Variants in ZNF454 observed in about 807,000 individuals in gnomAD.
The protein encoded by ZNF454 is zinc finger protein 454.
In ZNF454, 30 loss-of-function variants were observed where a neutral mutation model predicts 48.2. The ratio of observed to expected loss-of-function variants is 0.62; its 90% confidence interval spans 0.47 to 0.84. The LOEUF is 0.84. ZNF454 is among the 40% of genes least tolerant of loss of function. The pLI is 0.00. For synonymous variants in ZNF454, 204 were observed against 211.4 expected (o/e 0.97, Z 0.30); for missense variants, 510 against 623.1 (o/e 0.82, Z 1.93).
At chr5:178,985,526 G>A in the ZNF454 span, 10,581 of 338,134 alleles carry the variant, frequency 0.031, 492 homozygotes, top group African/African-American at 0.14. Context: ...ACACGGTGAA[G>A]CCCTGTCTCT....
intron 4 of ZNF454, among the ~76,000 whole-genome samples, chr5:178,950,387 C>T (rs551400127): frequency 1.2e-4 from 18 of 152,142 alleles, no homozygotes; most frequent in African/African-American, 1.9e-4. Context: ...GACTCCACTT[C>T]GCAGAAAATG....
rs1475488296 is a variant in ZNF454 at position 178,952,848 on chromosome 5, T to C, written c.250+5862T>C. On this transcript the variant is annotated intron_variant, in intron 4 of 4. Transcript: ENST00000519564. Reference sequence around the variant, plus strand: ...TGCTGATCCTTTCTATTTTTGTTTATTTTATTAATTTTTGTTCTTCACTGT... The same window carrying C: ...TGCTGATCCTTTCTATTTTTGTTTACTTTATTAATTTTTGTTCTTCACTGT... Among the ~76,000 whole-genome samples, 3 of 152,338 alleles carry C rather than the reference T, an allele frequency of 2.0e-5. No individual in the cohort carries two copies. The East Asian group carries it at 5.8e-4, about 29-fold the overall frequency.
At chr5:178,986,276 C>G in the ZNF454 span, 1 of 1,614,096 alleles carries the variant, frequency 6.2e-7, no homozygotes, top group Non-Finnish European at 8.5e-7. Flanking sequence ...AGGGTCGTGC[C>G]CAGGCCCAGG....
At position 178,946,509 on chromosome 5, in the gene ZNF454, T is replaced by C. The variant is rs981414271; in HGVS notation, c.160+24T>C. On this transcript the variant is annotated intron_variant, in intron 3 of 4. Transcript: ENST00000519564. The surrounding 1 kb of genome is among the most constrained non-coding windows in gnomAD (Gnocchi z 4.5). ...GGGTAAGTGGGACCCCTGCAAGGTTTCTCTTCACTTTTGGGGATCTCTTTG... is the reference window on the plus strand; with the variant it reads ...GGGTAAGTGGGACCCCTGCAAGGTTCCTCTTCACTTTTGGGGATCTCTTTG... 3 of 1,575,364 alleles carry C rather than the reference T, an allele frequency of 1.9e-6. No individual in the cohort carries two copies. The highest frequency in any genetic ancestry group is 2.6e-6 in the Non-Finnish European group (3 of 1,165,720).
the ZNF454 span, chr5:178,986,633 C>T: frequency 1.4e-5 from 23 of 1,602,746 alleles, no homozygotes; most frequent in East Asian, 4.5e-5. Context: ...TCACAGGCCT[C>T]GCAGTGCCAA....
At chr5:178,989,211 A>AGC in the ZNF454 span, 13 of 121,688 alleles carry the variant, frequency 1.1e-4, no homozygotes, top group Non-Finnish European at 1.6e-4. Flanking sequence ...CCCCCTCCCC[A>AGC]CCCTCACCAC....
chr5:178,982,009 C>T, the ZNF454 span, among the ~76,000 whole-genome samples: 5 of 152,240 alleles, frequency 3.3e-5, no homozygotes, highest in Non-Finnish European at 4.4e-5. Flanking sequence ...GCAGGGGCCC[C>T]GCGCCTGAGG....
chr5:178,974,344 G>T, the ZNF454 span, among the ~76,000 whole-genome samples: 4 of 151,882 alleles, frequency 2.6e-5, no homozygotes, highest in Admixed American at 6.6e-5. Flanking sequence ...GTTGGAGATG[G>T]AGTCTCGCTG....
At chr5:178,986,153 T>C in the ZNF454 span, 1 of 1,613,420 alleles carries the variant, frequency 6.2e-7, no homozygotes, top group Admixed American at 1.7e-5. Context: ...AGGCTGAAGG[T>C]GATGACCAGC....
At chr5:178,983,432 G>A in the ZNF454 span, 1 of 699,820 alleles carries the variant, frequency 1.4e-6, no homozygotes, top group African/African-American at 1.7e-5. Context: ...CCGTCCAAAG[G>A]CCCGTGACCT....
the ZNF454 span, chr5:178,989,386 C>T: frequency 7.4e-6 from 12 of 1,614,128 alleles, no homozygotes; most frequent in Non-Finnish European, 1.0e-5. Flanking sequence ...GGGATCGAGT[C>T]ATGAAGTACT....
chr5:178,953,485 GCTGGCATCCTGAGAATCCC>G (rs1490715855), intron 4 of ZNF454, among the ~76,000 whole-genome samples: 1 of 152,106 alleles, frequency 6.6e-6, no homozygotes, highest in Non-Finnish European at 1.5e-5. Flanking sequence ...CTGGTGCCCA[GCTGGCATCCTGAGAATCCC>G]CTTCTATCCT....
intron 4 of ZNF454, among the ~76,000 whole-genome samples, chr5:178,955,141 A>G (rs10075112): frequency 0.57 from 85,932 of 152,028 alleles, 24,798 homozygotes; most frequent in Non-Finnish European, 0.62. Context: ...CTGTGAAACT[A>G]TTTTCAAAGC....
chr5:178,969,560 C>T (rs747974314), downstream of ZNF454: 1 of 456,990 alleles, frequency 2.2e-6, no homozygotes, highest in South Asian at 1.5e-5. Flanking sequence ...TGATGTGCCA[C>T]CTTCAGCAGC....
chr5:178,948,791 T>C (rs1312629892), intron 4 of ZNF454, among the ~76,000 whole-genome samples: 1 of 150,294 alleles, frequency 6.7e-6, no homozygotes, highest in African/African-American at 2.4e-5. Context: ...ATCTAATTTA[T>C]GTAAAATTTA....
rs527343487 is a variant in ZNF454, at chr5:178,944,864, C to T, written c.34-1495C>T. Among the ~76,000 whole-genome samples, 4 of 152,292 alleles carry T rather than the reference C, an allele frequency of 2.6e-5. No individual in the cohort carries two copies. The highest frequency in any genetic ancestry group is 6.5e-5 in the Admixed American group (1 of 15,312). Reference sequence around the variant, plus strand: ...GGATTTTACATGCTAGGTTAGGTTTCGGCTACACCTGTGTGTCAGGACAGA... The same window carrying T: ...GGATTTTACATGCTAGGTTAGGTTTTGGCTACACCTGTGTGTCAGGACAGA... On this transcript the variant is annotated intron_variant, in intron 2 of 4. Transcript: ENST00000519564. The surrounding 1 kb of genome is among the most constrained non-coding windows in gnomAD (Gnocchi z 4.1).
chr5:178,966,880 G>A (rs887286935), downstream of ZNF454, among the ~76,000 whole-genome samples: 8 of 152,202 alleles, frequency 5.3e-5, no homozygotes, highest in African/African-American at 7.2e-5. Flanking sequence ...CCTGTGAGAC[G>A]ATTCATTTGC....
rs1294251804 is a variant in ZNF454, at chr5:178,941,822, G to T, written c.-108+378G>T. 6.6e-6 allele frequency among the ~76,000 whole-genome samples: 1 copy of T among 152,156 alleles called. No homozygotes were observed. Among genetic ancestry groups the T allele is most frequent in the Non-Finnish European group, 1.5e-5 (1 of 68,034 alleles). On this transcript the variant is annotated intron_variant, in intron 1 of 4. Coordinates refer to ENST00000519564, the MANE Select transcript of ZNF454 (RefSeq NM_001178089.3). The surrounding 1 kb of genome is among the most constrained non-coding windows in gnomAD (Gnocchi z 5.5). ...CCCACCCGTGACTCCAGGCCACCCA[G>T]ACTGGGCCCCAGAGAGTGAGAACAC...
At chr5:178,953,248 C>T (rs1759626922) in intron 4 of ZNF454, among the ~76,000 whole-genome samples, 1 of 152,224 alleles carries the variant, frequency 6.6e-6, no homozygotes, top group Admixed American at 6.5e-5. Flanking sequence ...TGTAGTGTAG[C>T]TTTGACTTGG....
Sources: allele counts gnomAD v4.1 joint callset (sites outside exome capture counted in the v4.1 genomes callset), GRCh38; gene constraint gnomAD v4.1.1; non-coding constraint Gnocchi (gnomAD v3.1); transcripts MANE v1.5; gene names NCBI Gene and HGNC (gene_info 2026-07-23, HGNC 2026-07-21).